The following MEF2B variants were observed in gnomAD, a reference collection of about 807,000 sequenced individuals.
The protein encoded by MEF2B is myocyte-specific enhancer factor 2B.
A neutral mutation model predicts 32.2 loss-of-function variants in MEF2B; 15 were observed. That is an observed-to-expected ratio of 0.47 (90% confidence interval 0.31 to 0.72). MEF2B has a LOEUF of 0.72. Among genes scored for constraint, MEF2B ranks in the 30% least tolerant of loss-of-function variants. The pLI, the probability that MEF2B is intolerant of heterozygous loss-of-function variation, is 0.05. For synonymous variants in MEF2B, 205 were observed against 225.6 expected (o/e 0.91, Z 0.82); for missense variants, 441 against 511.5 (o/e 0.86, Z 1.33).
rs2060180324 is a variant in MEF2B at position 19,163,232 on chromosome 19, T to C, written c.-30+6973A>G. Among the ~76,000 whole-genome samples the C allele has an allele frequency of 2.6e-5, 4 of 152,096 alleles. No homozygotes were observed. In the South Asian group the frequency reaches 8.3e-4, roughly 32 times the overall value. On this transcript the variant is annotated intron_variant, in intron 1 of 8. Transcript: ENST00000424583. ...GTGCAGTGGTGTGGTCTCGACTCAC[T>C]GCAGCCTGGCCCTCCCGGACTCAAG...
At chr19:19,152,757 C>A (rs1372600864) in intron 1 of MEF2B, among the ~76,000 whole-genome samples, 1 of 152,206 alleles carries the variant, frequency 6.6e-6, no homozygotes, top group Non-Finnish European at 1.5e-5. Flanking sequence ...CAGGGCTTCC[C>A]AGACCCCTGC....
At chr19:19,160,560 G>T (rs557765213) in intron 1 of MEF2B, among the ~76,000 whole-genome samples, 2 of 151,492 alleles carry the variant, frequency 1.3e-5, no homozygotes, top group Non-Finnish European at 2.9e-5. Context: ...CCCTGAGCCC[G>T]CAGGGAGGCC....
rs1599717845 is a variant in MEF2B at position 19,146,657 on chromosome 19, A to G, written c.676-9T>C. 1 of 1,613,352 alleles carries G rather than the reference A, an allele frequency of 6.2e-7. No homozygotes were observed. Among genetic ancestry groups the G allele is most frequent in the African/African-American group, 1.3e-5 (1 of 74,972 alleles). On this transcript the variant is annotated splice_polypyrimidine_tract_variant and intron_variant, in intron 6 of 8. Transcript: ENST00000424583. ...CCACTGTAGAGGCTTCTCTGTGCGG[A>G]GAGAGGGTGAAGGGGAAACTGAGGC... is the stretch of plus-strand genomic sequence containing the variant.
chr19:19,161,248 A>G (rs1365269972), intron 1 of MEF2B, among the ~76,000 whole-genome samples: 1 of 152,050 alleles, frequency 6.6e-6, no homozygotes, highest in Non-Finnish European at 1.5e-5. Context: ...TGCGGGCCCC[A>G]AAAAGTCCCT....
chr19:19,161,689 C>T (rs1002634586), intron 1 of MEF2B, among the ~76,000 whole-genome samples: 10 of 147,414 alleles, frequency 6.8e-5, no homozygotes, highest in South Asian at 2.3e-4. Context: ...CCCCGCCAGA[C>T]GCATGCAGAC....
At chr19:19,161,935 G>T (rs2060167213) in intron 1 of MEF2B, among the ~76,000 whole-genome samples, 1 of 151,098 alleles carries the variant, frequency 6.6e-6, no homozygotes, top group Non-Finnish European at 1.5e-5. Context: ...AGCCTCCCCA[G>T]TAGCTGGGAT....
At chr19:19,150,446 C>T (rs1463049174) in intron 2 of MEF2B, among the ~76,000 whole-genome samples, 1 of 150,684 alleles carries the variant, frequency 6.6e-6, no homozygotes, top group Non-Finnish European at 1.5e-5. Context: ...ATCGTTTGAA[C>T]CCGGGAGGCA....
At chr19:19,159,744 C>T (rs1415853696) in intron 1 of MEF2B, among the ~76,000 whole-genome samples, 2 of 152,098 alleles carry the variant, frequency 1.3e-5, no homozygotes, top group Non-Finnish European at 2.9e-5. Context: ...ACAAACATTA[C>T]CCTGAAGTCC....
chr19:19,145,691 G>T lies in MEF2B; in HGVS notation c.*106C>A. 1.3e-6 allele frequency: 2 copies of T among 1,551,288 alleles called. No homozygotes were observed. The highest frequency in any genetic ancestry group is 1.7e-6 in the Non-Finnish European group (2 of 1,147,338). ...CTCCAAGCCCCCACCGCGGAGGGGG[G>T]CGTCACTGTTGGGTCTTCTCTGAAG... On this transcript the variant is annotated 3_prime_UTR_variant, in exon 9 of 9. Transcript: ENST00000424583. This position sits in a 1 kb window ranked among gnomAD's most constrained non-coding sequence, Gnocchi z 4.6.
At chr19:19,151,860 C>T (rs184564250) in intron 1 of MEF2B, among the ~76,000 whole-genome samples, 2 of 152,170 alleles carry the variant, frequency 1.3e-5, no homozygotes, top group African/African-American at 2.4e-5. Flanking sequence ...CGGTGGCTCA[C>T]GCCTGTAATC....
At chr19:19,147,923 C>A in intron 3 of MEF2B, 91 bp from the exon 4 acceptor site, 1 of 1,498,504 alleles carries the variant, frequency 6.7e-7, no homozygotes, top group Non-Finnish European at 8.9e-7. Context: ...CCATCCCCAC[C>A]CAGCTCCATG....
chr19:19,156,453 C>G (rs1406541516), intron 1 of MEF2B, among the ~76,000 whole-genome samples: 2 of 151,934 alleles, frequency 1.3e-5, no homozygotes, highest in East Asian at 1.9e-4. Context: ...GAGCTTTGAG[C>G]TGCTGCACTC....
At chr19:19,156,810 C>T (rs1445056902) in intron 1 of MEF2B, among the ~76,000 whole-genome samples, 2 of 152,154 alleles carry the variant, frequency 1.3e-5, no homozygotes, top group African/African-American at 4.8e-5. Flanking sequence ...TGTCACCACA[C>T]CCAGCAAATT....
At position 19,166,476 on chromosome 19, in the gene MEF2B, G is replaced by A. The variant is rs368693880; in HGVS notation, c.-30+3729C>T. ...ATTTCTAAGTCGTCTCAGAAAAATG[G>A]CATCTGGTTGGGCTCATGCCTGTAA... is the stretch of plus-strand genomic sequence containing the variant. On this transcript the variant is annotated intron_variant, in intron 1 of 8. Transcript: ENST00000424583. 1.4e-4 allele frequency among the ~76,000 whole-genome samples: 21 copies of A among 152,098 alleles called. 1 individual carries two copies. Among genetic ancestry groups the A allele is most frequent in the African/African-American group, 5.1e-4 (21 of 41,508 alleles).
rs756052438 is a variant in MEF2B at position 19,149,264 on chromosome 19, C to T, written c.220G>A (p.Glu74Lys). The change falls in exon 3 of 9, where the codon GAG becomes AAG. Residue 74 changes from glutamate to lysine, a missense_variant. Glu to Lys is a moderately conservative substitution (Grantham distance 56). Coordinates refer to ENST00000424583, the MANE Select transcript of MEF2B (RefSeq NM_001145785.2). ...GTGTTGGTGCGGCTCTCGTGGGGCT[C>T]GCTGTACTCTGTGTACTTCAGCAGC... Reference protein sequence around the residue: ...RVLLKYTEYSEPHESRTNTDI... With the variant: ...RVLLKYTEYSKPHESRTNTDI... 6.2e-6 allele frequency: 10 copies of T among 1,613,816 alleles called. No homozygotes were observed. The highest frequency in any genetic ancestry group is 8.5e-6 in the Non-Finnish European group (10 of 1,179,940).
At chr19:19,150,326 G>A (rs2060066558) in intron 2 of MEF2B, among the ~76,000 whole-genome samples, 2 of 151,614 alleles carry the variant, frequency 1.3e-5, no homozygotes, top group African/African-American at 4.9e-5. Flanking sequence ...TCAGGAGTTC[G>A]AGACTAGCCT....
At chr19:19,165,536 C>A (rs1444899931) in intron 1 of MEF2B, among the ~76,000 whole-genome samples, 1 of 152,114 alleles carries the variant, frequency 6.6e-6, no homozygotes, top group Non-Finnish European at 1.5e-5. Flanking sequence ...CTTCCAGGAG[C>A]AGGCAAACCC....
At chr19:19,148,671 C>T (rs919811863) in intron 3 of MEF2B, among the ~76,000 whole-genome samples, 24 of 150,472 alleles carry the variant, frequency 1.6e-4, no homozygotes, top group Non-Finnish European at 3.0e-4. Context: ...CCAGTGAAGA[C>T]TCCTCTGTCT....
intron 2 of MEF2B, 44 bp downstream of exon 2, chr19:19,150,638 C>G (rs2060071597): frequency 6.2e-7 from 1 of 1,612,836 alleles, no homozygotes; most frequent in African/African-American, 1.3e-5. Flanking sequence ...ATGCCCCCTG[C>G]TAGGAATGTC....
Sources: allele counts gnomAD v4.1 joint callset (sites outside exome capture counted in the v4.1 genomes callset), GRCh38; gene constraint gnomAD v4.1.1; non-coding constraint Gnocchi (gnomAD v3.1); transcripts MANE v1.5; gene names NCBI Gene and HGNC (gene_info 2026-07-23, HGNC 2026-07-21).